Variants in PHF14 observed in about 807,000 individuals in gnomAD.
PHF14 encodes PHD finger protein 14.
A neutral mutation model predicts 117.9 loss-of-function variants in PHF14; 55 were observed. That is an observed-to-expected ratio of 0.47 (90% confidence interval 0.38 to 0.58). The LOEUF is 0.58. Ranked by LOEUF, PHF14 falls within the 20% of genes least tolerant of loss-of-function variation. The pLI is 0.00. For synonymous variants in PHF14, 409 were observed against 368.6 expected (o/e 1.11, Z -1.26); for missense variants, 978 against 1,122.2 (o/e 0.87, Z 1.84).
intron 2 of PHF14, 119 bp downstream of exon 2, chr7:10,975,064 T>C (rs1781813873): frequency 1.5e-6 from 1 of 668,512 alleles, no homozygotes; most frequent in Non-Finnish European, 2.6e-6. Flanking sequence ...TAAACTTCAT[T>C]TATTTTGTCC....
At chr7:10,985,636 C>CTTTT (rs1782193317) in intron 3 of PHF14, among the ~76,000 whole-genome samples, 9 of 90,822 alleles carry the variant, frequency 9.9e-5, no homozygotes, top group South Asian at 3.6e-4. Context: ...GATTCTCAAA[C>CTTTT]TGTTTTTTTT....
chr7:11,039,223 T>A (rs570508843), intron 11 of PHF14, among the ~76,000 whole-genome samples: 1 of 152,234 alleles, frequency 6.6e-6, no homozygotes, highest in Admixed American at 6.5e-5. Flanking sequence ...TTCTTTCCTG[T>A]CCTTATGCTG....
At chr7:11,094,939 A>G (rs1268769838) in intron 16 of PHF14, among the ~76,000 whole-genome samples, 1 of 151,738 alleles carries the variant, frequency 6.6e-6, no homozygotes, top group African/African-American at 2.4e-5. Context: ...TTTTCTTGCT[A>G]GGATAGAAGG....
chr7:11,134,116 C>G (rs1394717284), intron 17 of PHF14, among the ~76,000 whole-genome samples: 1 of 151,888 alleles, frequency 6.6e-6, no homozygotes, highest in African/African-American at 2.4e-5. Flanking sequence ...TGTGGTGGGG[C>G]TGTAACCCAT....
chr7:11,096,162 C>CT (rs111758172), intron 16 of PHF14, among the ~76,000 whole-genome samples: 1,954 of 152,072 alleles, frequency 0.013, 33 homozygotes, highest in African/African-American at 0.045. Flanking sequence ...TTTTCGGTGT[C>CT]TGAGTATATG....
At chr7:11,005,529 A>G (rs974517296) in intron 4 of PHF14, among the ~76,000 whole-genome samples, 4 of 152,102 alleles carry the variant, frequency 2.6e-5, no homozygotes, top group African/African-American at 7.2e-5. Flanking sequence ...TTCTGTCTCT[A>G]CCTCTAAATA....
intron 6 of PHF14, among the ~76,000 whole-genome samples, chr7:11,023,776 T>C (rs200786334): frequency 6.6e-6 from 1 of 152,002 alleles, no homozygotes; most frequent in Non-Finnish European, 1.5e-5. Context: ...TGCAGTGAGC[T>C]GAGATTGCGC....
chr7:11,091,247 A>C (rs187766405), intron 16 of PHF14, among the ~76,000 whole-genome samples: 85 of 152,318 alleles, frequency 5.6e-4, no homozygotes, highest in Admixed American at 2.7e-3. Flanking sequence ...TAATTAATGA[A>C]AAATGGAAAG....
intron 4 of PHF14, among the ~76,000 whole-genome samples, chr7:11,004,794 G>T (rs1281712584): frequency 6.6e-6 from 1 of 151,608 alleles, no homozygotes; most frequent in African/African-American, 2.4e-5. Flanking sequence ...CCAGCACTTT[G>T]GGAGGCCGAG....
chr7:11,015,726 C>T (rs1176568860), intron 5 of PHF14, among the ~76,000 whole-genome samples: 1 of 151,748 alleles, frequency 6.6e-6, no homozygotes, highest in Non-Finnish European at 1.5e-5. Flanking sequence ...TCTCCTTACT[C>T]TTACTACTGC....
At chr7:11,116,730 A>G (rs763655455) in intron 17 of PHF14, among the ~76,000 whole-genome samples, 8 of 151,946 alleles carry the variant, frequency 5.3e-5, no homozygotes, top group Non-Finnish European at 1.2e-4. Context: ...TACAAGTTCC[A>G]CAGGTGATTT....
intron 17 of PHF14, among the ~76,000 whole-genome samples, chr7:11,160,161 G>A (rs1232077807): frequency 6.6e-6 from 1 of 152,084 alleles, no homozygotes; most frequent in African/African-American, 2.4e-5. Flanking sequence ...AAGAACATGT[G>A]GCATTTGATT....
At position 10,982,868 on chromosome 7, in the gene PHF14, G is replaced by A; in HGVS notation, c.609G>A (p.Met203Ile). 6.2e-7 allele frequency: 1 copy of A among 1,613,802 alleles called. No homozygotes were observed. The highest frequency in any genetic ancestry group is 8.5e-7 in the Non-Finnish European group (1 of 1,179,792). The stretch of plus-strand genomic sequence containing the variant: ...TGTCCATGGAAGAGCTGAATGACAT[G>A]GATGACTATGACAGTGAGGATGACA... ...DFVSMEELND[M>I]DDYDSEDDND... is the part of the protein sequence containing the mutation. Residue 203 changes from methionine to isoleucine, a missense_variant, in exon 3 of 18, where the codon ATG becomes ATA. Physicochemically the swap from Met to Ile is conservative, Grantham distance 10. This residue lies in a region of PHF14 where 414 missense variants were observed against 376.4 expected (regional missense o/e 1.10). Coordinates refer to ENST00000634607, the MANE Select transcript of PHF14 (RefSeq NM_001007157.2).
At chr7:11,146,883 G>C (rs925883374) in intron 17 of PHF14, among the ~76,000 whole-genome samples, 38 of 152,138 alleles carry the variant, frequency 2.5e-4, no homozygotes, top group African/African-American at 9.2e-4. Flanking sequence ...GTCTCACTCT[G>C]ATACCCAGGC....
At chr7:11,111,534 C>CA in intron 17 of PHF14, 67 bp downstream of exon 17, 1 of 706,040 alleles carries the variant, frequency 1.4e-6, no homozygotes, top group Non-Finnish European at 2.5e-6. Context: ...CCATGTCACA[C>CA]AATTAGCTTC....
At chr7:10,977,892 A>G (rs115421877) in intron 2 of PHF14, among the ~76,000 whole-genome samples, 2,106 of 152,278 alleles carry the variant, frequency 0.014, 34 homozygotes, top group African/African-American at 0.047. Context: ...GGTTGGGTGT[A>G]TGATAGGAGA....
intron 4 of PHF14, among the ~76,000 whole-genome samples, chr7:11,004,881 C>T (rs545271733): frequency 6.6e-6 from 1 of 151,746 alleles, no homozygotes; most frequent in Admixed American, 6.6e-5. Flanking sequence ...ACTAAAAATA[C>T]AAAAATTAGC....
chr7:11,079,557 A>G (rs925533977), intron 16 of PHF14, among the ~76,000 whole-genome samples: 12 of 152,148 alleles, frequency 7.9e-5, no homozygotes, highest in Non-Finnish European at 1.6e-4. Context: ...ATTTTGCAAA[A>G]TGATTTAATG....
chr7:11,052,905 C>G (rs1784890554), intron 14 of PHF14, among the ~76,000 whole-genome samples: 1 of 152,022 alleles, frequency 6.6e-6, no homozygotes. Flanking sequence ...TTGAAGGGGC[C>G]TCTACCAACT....
Sources: gnomAD v4.1 joint callset for allele counts (sites outside exome capture counted in the v4.1 genomes callset) on GRCh38, gnomAD v4.1.1 for gene constraint, gnomAD v4.1.1 regional missense constraint, MANE v1.5 for transcripts, NCBI Gene and HGNC (gene_info 2026-07-23, HGNC 2026-07-21) for gene names.